The following PRKG1 variants were observed in gnomAD, a reference collection of about 807,000 sequenced individuals.
The protein encoded by PRKG1 is protein kinase cGMP-dependent 1, also known as cGMP-dependent protein kinase 1.
PRKG1 carries 35 observed loss-of-function variants against 88.1 expected under a neutral mutation model. The observed-to-expected ratio is 0.40, with a 90% CI of 0.30 to 0.53. The LOEUF (loss-of-function observed/expected upper bound fraction) is 0.53. Ranked by LOEUF, PRKG1 falls within the 20% of genes least tolerant of loss-of-function variation. The probability of loss-of-function intolerance (pLI) is 0.59; values close to 1 mark genes in which losing one functional copy is unlikely to be tolerated. For missense variants in PRKG1, 540 were observed against 839.8 expected (o/e 0.64, Z 4.41); for synonymous variants, 303 against 292.5 (o/e 1.04, Z -0.37).
Position 51,714,574 on chromosome 10 carries a change from A to C in PRKG1, c.593-90011A>C, listed in dbSNP as rs1841841542. Among the ~76,000 whole-genome samples the C allele has an allele frequency of 2.0e-5, 3 of 152,222 alleles. No homozygotes were observed. The South Asian group carries it at 6.2e-4, about 31-fold the overall frequency. On this transcript the variant is annotated intron_variant, in intron 3 of 17. Transcript: ENST00000373980. ...GATGTAGAAGGCAAAGAAATGACCT[A>C]AAGAGGAAGATGGAGGGATGTGGTA... is the stretch of plus-strand genomic sequence containing the variant.
At chr10:51,631,289 A>G (rs1180577177) in intron 3 of PRKG1, among the ~76,000 whole-genome samples, 4 of 152,202 alleles carry the variant, frequency 2.6e-5, no homozygotes, top group Non-Finnish European at 5.9e-5. Flanking sequence ...GGCTTACCAA[A>G]ACTCTGACTG....
rs572363988 is a variant in PRKG1 at position 51,727,560 on chromosome 10, T to G, written c.593-77025T>G. ...ACCTGGGATTCCGTTGACATTAATG[T>G]TTTGCTTTGGCCATTAGCACAGAAA... On this transcript the variant is annotated intron_variant, in intron 3 of 17. Transcript: ENST00000373980. Among the ~76,000 whole-genome samples, 4 of 152,284 alleles carry G rather than the reference T, an allele frequency of 2.6e-5. No individual in the cohort carries two copies. The East Asian group carries it at 7.7e-4, about 29-fold the overall frequency.
intron 2 of PRKG1, among the ~76,000 whole-genome samples, chr10:51,309,807 C>A (rs144220822): frequency 5.3e-5 from 8 of 152,244 alleles, no homozygotes; most frequent in Non-Finnish European, 1.0e-4. Context: ...ATGTTTATTG[C>A]AATACTATTC....
intron 7 of PRKG1, among the ~76,000 whole-genome samples, chr10:52,113,896 G>A (rs1847625690): frequency 6.6e-6 from 1 of 152,126 alleles, no homozygotes; most frequent in Non-Finnish European, 1.5e-5. Flanking sequence ...TGTGAATGTA[G>A]TTTAGAGTCT....
At chr10:52,036,781 C>G (rs1845623632) in intron 5 of PRKG1, among the ~76,000 whole-genome samples, 1 of 152,046 alleles carries the variant, frequency 6.6e-6, no homozygotes, top group African/African-American at 2.4e-5. Flanking sequence ...AAAAGGAGTG[C>G]TTAAAAGAGT....
chr10:51,107,340 G>C (rs181354294), intron 1 of PRKG1, among the ~76,000 whole-genome samples: 1 of 151,894 alleles, frequency 6.6e-6, no homozygotes, highest in East Asian at 1.9e-4. Flanking sequence ...TTTATAGTGG[G>C]GTGCGATATT....
intron 5 of PRKG1, among the ~76,000 whole-genome samples, chr10:52,054,213 T>C (rs1010254977): frequency 6.6e-6 from 1 of 152,206 alleles, no homozygotes; most frequent in Admixed American, 6.5e-5. Flanking sequence ...GGCACATGCA[T>C]ACATATGTAA....
At chr10:51,117,273 G>A (rs911907827) in intron 1 of PRKG1, among the ~76,000 whole-genome samples, 6 of 152,110 alleles carry the variant, frequency 3.9e-5, no homozygotes, top group Non-Finnish European at 8.8e-5. Context: ...ATGCTTCTTT[G>A]TGCACAGTAT....
At chr10:51,592,288 G>A (rs182922896) in intron 3 of PRKG1, among the ~76,000 whole-genome samples, 3 of 152,316 alleles carry the variant, frequency 2.0e-5, no homozygotes, top group African/African-American at 7.2e-5. Context: ...CCTTTGAATG[G>A]TTTGGTGAGT....
chr10:51,022,902 C>T (rs1435480011), intron 1 of PRKG1, among the ~76,000 whole-genome samples: 2 of 152,158 alleles, frequency 1.3e-5, no homozygotes, highest in Non-Finnish European at 2.9e-5. Flanking sequence ...GAGGCTGAGG[C>T]AGGAGAATCG....
chr10:51,986,928 T>C (rs1396152335), intron 5 of PRKG1, among the ~76,000 whole-genome samples: 1 of 152,140 alleles, frequency 6.6e-6, no homozygotes, highest in Non-Finnish European at 1.5e-5. Flanking sequence ...GATGGGGAAG[T>C]CTGTCAAGAT....
intron 2 of PRKG1, among the ~76,000 whole-genome samples, chr10:51,329,323 C>T (rs970509641): frequency 1.3e-5 from 2 of 152,086 alleles, no homozygotes; most frequent in Non-Finnish European, 2.9e-5. Context: ...GAAGAGAACG[C>T]CCCTTTGCCC....
At chr10:51,818,837 C>G (rs1283408981) in intron 4 of PRKG1, among the ~76,000 whole-genome samples, 1 of 131,040 alleles carries the variant, frequency 7.6e-6, no homozygotes, top group Non-Finnish European at 1.5e-5. Context: ...GAAACCCCGT[C>G]TCTACTAAAA....
intron 3 of PRKG1, among the ~76,000 whole-genome samples, chr10:51,546,749 C>T (rs1041246662): frequency 6.6e-6 from 1 of 151,190 alleles, no homozygotes; most frequent in African/African-American, 2.5e-5. Context: ...TCCTACTTAT[C>T]CACAGTTTTA....
intron 3 of PRKG1, among the ~76,000 whole-genome samples, chr10:51,734,715 A>G (rs1837219449): frequency 6.6e-6 from 1 of 152,216 alleles, no homozygotes; most frequent in Admixed American, 6.5e-5. Context: ...AGGTATGGAA[A>G]CACTGGCTTC....
chr10:51,686,932 T>A (rs1347173738), intron 3 of PRKG1, among the ~76,000 whole-genome samples: 1 of 152,118 alleles, frequency 6.6e-6, no homozygotes. Flanking sequence ...AGATGGGGTT[T>A]CACCATATTG....
At chr10:51,285,499 A>T (rs1372518979) in intron 2 of PRKG1, among the ~76,000 whole-genome samples, 2 of 152,168 alleles carry the variant, frequency 1.3e-5, no homozygotes, top group Non-Finnish European at 2.9e-5. Flanking sequence ...CTCTAAGAAG[A>T]TATCGCCCAC....
intron 5 of PRKG1, among the ~76,000 whole-genome samples, chr10:51,959,133 T>C (rs761090124): frequency 8.5e-5 from 13 of 152,168 alleles, no homozygotes; most frequent in Admixed American, 2.0e-4. Context: ...TTAGACATAA[T>C]TTATTTCAGG....
At chr10:51,292,012 C>T (rs1045294963) in intron 2 of PRKG1, among the ~76,000 whole-genome samples, 2 of 152,060 alleles carry the variant, frequency 1.3e-5, no homozygotes, top group Non-Finnish European at 1.5e-5. Flanking sequence ...CTTTGTTTAA[C>T]GTTGTTAGAG....
Sources: allele counts gnomAD v4.1 joint callset (sites outside exome capture counted in the v4.1 genomes callset), GRCh38; gene constraint gnomAD v4.1.1; transcripts MANE v1.5; gene names NCBI Gene and HGNC (gene_info 2026-07-23, HGNC 2026-07-21).